The following RHBG variants were observed in gnomAD, a reference collection of about 807,000 sequenced individuals.
RHBG encodes the protein Rh family B glycoprotein, also known as ammonium transporter Rh type B.
RHBG carries 39 observed loss-of-function variants against 40.1 expected under a neutral mutation model. The observed-to-expected ratio is 0.97, with a 90% confidence interval of 0.75 to 1.27. RHBG has a LOEUF of 1.27. Ranked by LOEUF, RHBG falls within the 50% of genes most tolerant of loss-of-function variation. RHBG has a pLI of 0.00. For missense variants in RHBG, 549 were observed against 588.1 expected (o/e 0.93, Z 0.69); for synonymous variants, 237 against 252.5 (o/e 0.94, Z 0.58).
In RHBG at chr1:156,380,478, T is replaced by C. The variant is rs556245879; in HGVS notation, c.674-869T>C. 2.0e-5 allele frequency among the ~76,000 whole-genome samples: 3 copies of C among 152,002 alleles called. No homozygotes were observed. The East Asian group carries it at 5.9e-4, about 30-fold the overall frequency. ...TGGCTCACACCTGTAATCTCAGCAC[T>C]TTGGGAGGCTGAGGTGGGCGGATCA... On this transcript the variant is annotated intron_variant, in intron 4 of 9. Transcript: ENST00000537040.
At chr1:156,384,446 T>A in intron 8 of RHBG, 81 bp from the exon 9 acceptor site, 1 of 1,262,046 alleles carries the variant, frequency 7.9e-7, no homozygotes, top group Non-Finnish European at 1.2e-6. Context: ...CCTAGACCCC[T>A]GTGCCCTGTG....
In RHBG at chr1:156,381,873, C is replaced by T. The variant is rs533810536; in HGVS notation, c.908C>T (p.Thr303Ile). 87 of 1,602,486 alleles carry T rather than the reference C, an allele frequency of 5.4e-5. No individual in the cohort carries two copies. The highest frequency in any genetic ancestry group is 7.1e-5 in the Non-Finnish European group (84 of 1,177,404). Residue 303 changes from threonine to isoleucine, a missense_variant, in exon 6 of 10, where the codon ACA becomes ATA. Around this residue, in one of 3 missense-constraint regions of RHBG, gnomAD observed 399 missense variants for 417.0 expected, o/e 0.96. Transcript: ENST00000537040. Reference sequence around the variant, plus strand: ...GGGACCTCAAGTGAAATGATGCTGACACCCTTTGGGGCTCTGGCAGCTGGC... The same window carrying T: ...GGGACCTCAAGTGAAATGATGCTGATACCCTTTGGGGCTCTGGCAGCTGGC... ...VVGTSSEMML[T>I]PFGALAAGFL...
intron 7 of RHBG, 128 bp downstream of exon 7, chr1:156,382,329 G>T: frequency 1.3e-6 from 2 of 1,489,904 alleles, no homozygotes; most frequent in Non-Finnish European, 9.2e-7. Flanking sequence ...GGGAGCAAAG[G>T]AAATTGGAGT....
chr1:156,382,908 A>T (rs1667765304), intron 8 of RHBG, 39 bp downstream of exon 8: 1 of 1,613,284 alleles, frequency 6.2e-7, no homozygotes, highest in African/African-American at 1.3e-5. Context: ...GGGGCATGGG[A>T]TCCTATAAGC....
At chr1:156,369,973 A>G (rs1176218754) in intron 1 of RHBG, among the ~76,000 whole-genome samples, 1 of 152,120 alleles carries the variant, frequency 6.6e-6, no homozygotes, top group Admixed American at 6.6e-5. Flanking sequence ...AGTTGGGATC[A>G]GGCATTTCTT....
chr1:156,381,516 A>G lies in RHBG; in HGVS notation c.840+3A>G. Reference sequence around the variant, plus strand: ...GGGAAGATGGGAGGCTTGACATGGTATGGGGAAGAGGACTTCAGAGAGGCA... The same window carrying G: ...GGGAAGATGGGAGGCTTGACATGGTGTGGGGAAGAGGACTTCAGAGAGGCA... On this transcript the variant is annotated splice_donor_region_variant and intron_variant, in intron 5 of 9. Transcript: ENST00000537040. 5 of 1,604,880 alleles carry G rather than the reference A, an allele frequency of 3.1e-6. No homozygotes were observed. The highest frequency in any genetic ancestry group is 4.3e-6 in the Non-Finnish European group (5 of 1,174,746).
rs748277995 is a variant in RHBG, at chr1:156,369,313, C to T, written c.64C>T (p.Leu22Phe). 2.5e-6 allele frequency: 4 copies of T among 1,614,104 alleles called. No individual in the cohort carries two copies. Among genetic ancestry groups the T allele is most frequent in the Admixed American group, 1.7e-5 (1 of 60,010 alleles). Residue 22 changes from leucine (L) to phenylalanine (F), a missense_variant, in exon 1 of 10, where the codon CTC becomes TTC. Coordinates refer to ENST00000537040, the MANE Select transcript of RHBG (RefSeq NM_020407.5). ...GCAGCTTCCCCTGCTGTGCCTCTTCCTCCAGGGCGCCACTGCCGTCCTCTT... is the reference window on the plus strand; with the variant it reads ...GCAGCTTCCCCTGCTGTGCCTCTTCTTCCAGGGCGCCACTGCCGTCCTCTT... Reference protein sequence around the residue: ...RLQLPLLCLFLQGATAVLFAV... With the variant: ...RLQLPLLCLFFQGATAVLFAV...
chr1:156,376,171 T>A (rs1167658369), intron 1 of RHBG, among the ~76,000 whole-genome samples: 1 of 152,152 alleles, frequency 6.6e-6, no homozygotes, highest in African/African-American at 2.4e-5. Context: ...AAGTAATTCA[T>A]CTATAAAGTT....
rs374695337 is a variant in RHBG, at chr1:156,369,456, G to T, written c.187+20G>T. 1.5e-5 allele frequency: 23 copies of T among 1,582,824 alleles called. No homozygotes were observed. In the African/African-American group the frequency reaches 2.8e-4, roughly 20 times the overall value. ...ACCCAAGTGAGTGCGGGGTGAGGGCGCGCGGGAAGCAAAGACCCCAAGATT... is the reference window on the plus strand; with the variant it reads ...ACCCAAGTGAGTGCGGGGTGAGGGCTCGCGGGAAGCAAAGACCCCAAGATT... On this transcript the variant is annotated intron_variant, in intron 1 of 9. Coordinates refer to ENST00000537040, the MANE Select transcript of RHBG (RefSeq NM_020407.5).
chr1:156,384,810 CCT>C lies in RHBG; in HGVS notation c.1345_1346del (p.Leu449GlufsTer26), dbSNP rs776342553. 3 of 1,613,958 alleles carry C rather than the reference CCT, an allele frequency of 1.9e-6. No homozygotes were observed. Among genetic ancestry groups the C allele is most frequent in the Middle Eastern group, 3.3e-4 (2 of 6,060 alleles). On this transcript the variant is annotated frameshift_variant, in exon 10 of 10. Transcript: ENST00000537040. LOFTEE classifies it high-confidence loss of function. ...PGEHEDKAQR[P>X]LRVEEADTQA ...CGAGCATGAGGATAAAGCCCAGAGA[CCT>C]CTGAGGGTGGAGGAGGCAGACACTC...
At position 156,369,367 on chromosome 1, in the gene RHBG, A is replaced by G. The variant is rs1666685987; in HGVS notation, c.118A>G (p.Thr40Ala). ...FAVFVRYNHKTDAALWHRSNH... is the reference protein window; with the variant it reads ...FAVFVRYNHKADAALWHRSNH... ...TGTCTTTGTCCGCTACAACCACAAA[A>G]CCGACGCTGCCCTCTGGCACCGGAG... The change falls in exon 1 of 10, where the codon ACC (threonine) becomes GCC (alanine). Residue 40 changes from threonine (T) to alanine (A), a missense_variant. Physicochemically the swap from Thr to Ala is moderately conservative, Grantham distance 58. Coordinates refer to ENST00000537040, the MANE Select transcript of RHBG (RefSeq NM_020407.5). 1 of 1,613,926 alleles carries G rather than the reference A, an allele frequency of 6.2e-7. No homozygotes were observed. Among genetic ancestry groups the G allele is most frequent in the Admixed American group, 1.7e-5 (1 of 60,000 alleles).
rs1197990828 is a variant in RHBG at position 156,378,010 on chromosome 1, G to A, written c.395G>A (p.Cys132Tyr). Residue 132 changes from cysteine to tyrosine, a missense_variant, in exon 3 of 10, where the codon TGT becomes TAT. Transcript: ENST00000537040. Reference protein sequence around the residue: ...GVESMINADFCAGAVLISFGA... With the variant: ...GVESMINADFYAGAVLISFGA... ...CCCAGCATGATCAATGCTGACTTTT[G>A]TGCGGGGGCCGTGCTCATCTCCTTT... 1.3e-6 allele frequency: 2 copies of A among 1,553,254 alleles called. No homozygotes were observed. Among genetic ancestry groups the A allele is most frequent in the Non-Finnish European group, 1.7e-6 (2 of 1,146,852 alleles).
At position 156,377,302 on chromosome 1, in the gene RHBG, C is replaced by T. The variant is rs199582263; in HGVS notation, c.189C>T (p.Ser63=). ...CCCGCCTGTCCCTGCCCGCTGCAGG[C>T]TTCCAGGACGTGCATGCCATGGTCT... ...ADNEFYFRYP[S]FQDVHAMVFV... The change falls in exon 2 of 10, where the codon AGC becomes AGT. Residue 63 remains serine, a splice_region_variant and synonymous_variant. Transcript: ENST00000537040. This position sits in a 1 kb window ranked among gnomAD's most constrained non-coding sequence, Gnocchi z 4.6. The T allele has an allele frequency of 5.0e-6, 8 of 1,613,494 alleles. No individual in the cohort carries two copies. The highest frequency in any genetic ancestry group is 8.5e-7 in the Non-Finnish European group (1 of 1,179,572).
At position 156,377,445 on chromosome 1, in the gene RHBG, T is replaced by C. The variant is rs1315809006; in HGVS notation, c.332T>C (p.Leu111Pro). Residue 111 changes from leucine to proline, a missense_variant, in exon 2 of 10, where the codon CTC (leucine) becomes CCC (proline). Leu to Pro is a moderately conservative substitution (Grantham distance 98). Transcript: ENST00000537040. The surrounding 1 kb of genome is among the most constrained non-coding windows in gnomAD (Gnocchi z 4.6). The part of the protein sequence containing the change: ...LQWSTLVQGF[L>P]HSFHGGHIHV... The stretch of plus-strand genomic sequence containing the variant: ...TGGTCCACACTGGTCCAGGGCTTTC[T>C]CCACTCCTTCCACGGTGGCCACATC... 3 of 1,613,496 alleles carry C rather than the reference T, an allele frequency of 1.9e-6. No homozygotes were observed. Among genetic ancestry groups the C allele is most frequent in the Non-Finnish European group, 1.7e-6 (2 of 1,179,544 alleles).
chr1:156,378,549 C>T (rs1019206619), intron 4 of RHBG, 150 bp downstream of exon 4: 18 of 863,610 alleles, frequency 2.1e-5, no homozygotes, highest in Middle Eastern at 3.6e-4. Flanking sequence ...AGCTCTGGGA[C>T]CTGCCTGCAC....
intron 4 of RHBG, among the ~76,000 whole-genome samples, chr1:156,379,413 A>G (rs1208745362): frequency 1.3e-5 from 2 of 152,168 alleles, no homozygotes; most frequent in East Asian, 3.8e-4. Context: ...GGTATTGAAT[A>G]GGGACTGAAG....
chr1:156,377,617 A>G lies in RHBG; in HGVS notation c.374+130A>G. 1.0e-6 allele frequency: 1 copy of G among 966,132 alleles called. No individual in the cohort carries two copies. Among genetic ancestry groups the G allele is most frequent in the Non-Finnish European group, 1.5e-6 (1 of 664,158 alleles). 59.8% of individuals were successfully genotyped at this position (966,132 alleles called of 1,614,324 possible). On this transcript the variant is annotated intron_variant, in intron 2 of 9. Coordinates refer to ENST00000537040, the MANE Select transcript of RHBG (RefSeq NM_020407.5). This position sits in a 1 kb window ranked among gnomAD's most constrained non-coding sequence, Gnocchi z 4.6. The stretch of plus-strand genomic sequence containing the variant: ...ATTCTGGGCGTCACTTGGTTTCTCT[A>G]GGTGTCCTGCCTGTCCTTATTGCCT...
chr1:156,378,840 G>A (rs1005056963), intron 4 of RHBG, among the ~76,000 whole-genome samples: 4 of 152,160 alleles, frequency 2.6e-5, no homozygotes, highest in African/African-American at 7.2e-5. Flanking sequence ...GCTGCCTTCC[G>A]CCTCCTAAGG....
chr1:156,369,742 G>A (rs1481461054), intron 1 of RHBG, among the ~76,000 whole-genome samples: 1 of 151,950 alleles, frequency 6.6e-6, no homozygotes, highest in Non-Finnish European at 1.5e-5. Context: ...GGGATTGGAA[G>A]CCAGATCTAG....
Sources: allele counts gnomAD v4.1 joint callset (sites outside exome capture counted in the v4.1 genomes callset), GRCh38; gene constraint gnomAD v4.1.1; regional missense constraint gnomAD v4.1.1; non-coding constraint Gnocchi (gnomAD v3.1); transcripts MANE v1.5; gene names NCBI Gene and HGNC (gene_info 2026-07-23, HGNC 2026-07-21).